The following BET1L variants were observed in gnomAD, a reference collection of about 807,000 sequenced individuals.
BET1L encodes Bet1 golgi vesicular membrane trafficking protein like, also known as BET1-like protein.
BET1L carries 13 observed loss-of-function variants against 12.6 expected under a neutral mutation model. That is an observed-to-expected ratio of 1.03 (90% CI 0.67 to 1.64). The LOEUF (loss-of-function observed/expected upper bound fraction) is 1.64, where lower values mean the gene tolerates loss of function less well. Ranked by LOEUF, BET1L falls within the 40% of genes most tolerant of loss-of-function variation. The pLI, the probability that BET1L is intolerant of heterozygous loss-of-function variation, is 0.00. For synonymous variants in BET1L, 60 were observed against 56.9 expected (o/e 1.05, Z -0.25); for missense variants, 154 against 150.7 (o/e 1.02, Z -0.11).
Position 205,184 on chromosome 11 carries a change from T to C in BET1L, c.*118A>G. 1 of 1,335,804 alleles carries C rather than the reference T, an allele frequency of 7.5e-7. No homozygotes were observed. 82.7% of individuals were successfully genotyped at this position (1,335,804 alleles called of 1,614,324 possible). A position where few individuals can be genotyped will look rare whatever the true frequency, so the allele number is the denominator to read the frequency against. ...TCCTGCCACACAGGAAGAAGATTCC[T>C]GACCCACAATTATCATTGCAAAGGA... is the stretch of plus-strand genomic sequence containing the variant. On this transcript the variant is annotated 3_prime_UTR_variant, in exon 4 of 4. Coordinates refer to ENST00000382762, the MANE Select transcript of BET1L (RefSeq NM_001098787.2).
intron 1 of BET1L, 54 bp from the exon 2 acceptor site, chr11:206,097 A>G (rs1297537879): frequency 1.3e-6 from 2 of 1,494,070 alleles, no homozygotes; most frequent in Non-Finnish European, 1.9e-6. Flanking sequence ...ACGGCCCCTG[A>G]CCCCTCTCAC....
chr11:205,278 C>T lies in BET1L; in HGVS notation c.*24G>A, dbSNP rs754833728. On this transcript the variant is annotated 3_prime_UTR_variant, in exon 4 of 4. Coordinates refer to ENST00000382762, the MANE Select transcript of BET1L (RefSeq NM_001098787.2). ...GGAAGACCCTGGCTGCCCTTGGCAC[C>T]CACAGACACCAGCTCCCACTGGCTC... 4.4e-6 allele frequency: 7 copies of T among 1,601,872 alleles called. No homozygotes were observed. Among genetic ancestry groups the T allele is most frequent in the Non-Finnish European group, 5.1e-6 (6 of 1,172,194 alleles).
At chr11:206,628 T>C (rs1259957967) in intron 1 of BET1L, among the ~76,000 whole-genome samples, 3 of 152,072 alleles carry the variant, frequency 2.0e-5, no homozygotes. Context: ...GCGGGATCCT[T>C]GGTCTGCATC....
chr11:207,399 GA>G, upstream of BET1L: 4 of 1,261,730 alleles, frequency 3.2e-6, no homozygotes, highest in Non-Finnish European at 4.0e-6. Flanking sequence ...CGCGGGGAAA[GA>G]GCTTCCGGCC....
At position 205,280 on chromosome 11, in the gene BET1L, A is replaced by G; in HGVS notation, c.*22T>C. 2 of 1,603,436 alleles carry G rather than the reference A, an allele frequency of 1.2e-6. No individual in the cohort carries two copies. Among genetic ancestry groups the G allele is most frequent in the Non-Finnish European group, 1.7e-6 (2 of 1,172,962 alleles). ...AAGACCCTGGCTGCCCTTGGCACCC[A>G]CAGACACCAGCTCCCACTGGCTCAC... On this transcript the variant is annotated 3_prime_UTR_variant, in exon 4 of 4. Coordinates refer to ENST00000382762, the MANE Select transcript of BET1L (RefSeq NM_001098787.2).
chr11:207,149 C>T, intron 1 of BET1L, 154 bp downstream of exon 1: 3 of 1,076,264 alleles, frequency 2.8e-6, no homozygotes, highest in East Asian at 3.2e-5. Context: ...CGGCCCTGCT[C>T]GGACCCGGAA....
At position 205,086 on chromosome 11, in the gene BET1L, T is replaced by C. The variant is rs1358643294; in HGVS notation, c.*216A>G. 1 of 591,600 alleles carries C rather than the reference T, an allele frequency of 1.7e-6. No individual in the cohort carries two copies. The highest frequency in any genetic ancestry group is 1.9e-5 in the African/African-American group (1 of 53,684). 36.6% of individuals were successfully genotyped at this position (591,600 alleles called of 1,614,324 possible). A position where few individuals can be genotyped will look rare whatever the true frequency, so the allele number is the denominator to read the frequency against. On this transcript the variant is annotated 3_prime_UTR_variant, in exon 4 of 4. Transcript: ENST00000382762. ...GGAGGGGGGAGGGGCTGGGCCTTGGTTTCCCCGAGAGAGTCCCTTTCACAC... is the reference window on the plus strand; with the variant it reads ...GGAGGGGGGAGGGGCTGGGCCTTGGCTTCCCCGAGAGAGTCCCTTTCACAC...
chr11:205,616 C>G lies in BET1L; in HGVS notation c.163G>C (p.Gly55Arg). ...CGCACACCGTGGGCCCTTACCATGC[C>G]ATCCAGGTACCGGTTCTGATCCTCT... ...DAEDQNRYLD[G>R]MDSDFTSMTS... Residue 55 changes from glycine (G) to arginine (R), a missense_variant, in exon 3 of 4, where the codon GGC becomes CGC. Transcript: ENST00000382762. 1 of 1,613,838 alleles carries G rather than the reference C, an allele frequency of 6.2e-7. No homozygotes were observed. Among genetic ancestry groups the G allele is most frequent in the Non-Finnish European group, 8.5e-7 (1 of 1,179,954 alleles).
chr11:206,491 C>T (rs1237755577), intron 1 of BET1L, among the ~76,000 whole-genome samples: 1 of 152,238 alleles, frequency 6.6e-6, no homozygotes, highest in African/African-American at 2.4e-5. Context: ...CAGAGACGAC[C>T]TTTGAGCTAG....
rs1855118858 is a variant in BET1L, at chr11:205,159, T to C, written c.*143A>G. ...CATCAGGTCACAGGCAGCCGCAGCCTCCTGCCACACAGGAAGAAGATTCCT... is the reference window on the plus strand; with the variant it reads ...CATCAGGTCACAGGCAGCCGCAGCCCCCTGCCACACAGGAAGAAGATTCCT... On this transcript the variant is annotated 3_prime_UTR_variant, in exon 4 of 4. Coordinates refer to ENST00000382762, the MANE Select transcript of BET1L (RefSeq NM_001098787.2). 8.5e-7 allele frequency: 1 copy of C among 1,182,486 alleles called. No individual in the cohort carries two copies. Among genetic ancestry groups the C allele is most frequent in the Non-Finnish European group, 1.2e-6 (1 of 864,268 alleles). 73.2% of individuals were successfully genotyped at this position (1,182,486 alleles called of 1,614,324 possible).
chr11:206,140 G>T, intron 1 of BET1L, 97 bp from the exon 2 acceptor site: 1 of 1,080,062 alleles, frequency 9.3e-7, no homozygotes, highest in Non-Finnish European at 1.4e-6. Context: ...AGAAATCTAG[G>T]GGGCCCTAAC....
At chr11:207,182 C>G in intron 1 of BET1L, 121 bp downstream of exon 1, 1 of 1,317,320 alleles carries the variant, frequency 7.6e-7, no homozygotes, top group Non-Finnish European at 1.0e-6. Context: ...GCCCCCCTGA[C>G]AGGGTCCTCT....
intron 1 of BET1L, among the ~76,000 whole-genome samples, chr11:206,469 G>A (rs1173472215): frequency 6.6e-6 from 1 of 152,266 alleles, no homozygotes; most frequent in Non-Finnish European, 1.5e-5. Flanking sequence ...CAAGGCAGCA[G>A]AAAGGCTCCT....
Position 207,299 on chromosome 11 carries a change from T to C in BET1L, c.19+4A>G, listed in dbSNP as rs1457209971. ...CCCCAACGGCTCCGCTCTCCCGCGCTCACCCCGAGCCCAGTCCGCCATCGT... is the reference window on the plus strand; with the variant it reads ...CCCCAACGGCTCCGCTCTCCCGCGCCCACCCCGAGCCCAGTCCGCCATCGT... On this transcript the variant is annotated splice_donor_region_variant and intron_variant, in intron 1 of 3. Coordinates refer to ENST00000382762, the MANE Select transcript of BET1L (RefSeq NM_001098787.2). 5 of 1,543,268 alleles carry C rather than the reference T, an allele frequency of 3.2e-6. No homozygotes were observed. The highest frequency in any genetic ancestry group is 4.3e-6 in the Non-Finnish European group (5 of 1,152,866).
Position 206,008 on chromosome 11 carries a change from G to T in BET1L, c.55C>A (p.Arg19=), listed in dbSNP as rs144624940. 3.7e-6 allele frequency: 6 copies of T among 1,613,978 alleles called. No individual in the cohort carries two copies. Among genetic ancestry groups the T allele is most frequent in the Non-Finnish European group, 1.7e-6 (2 of 1,180,030 alleles). Residue 19 remains arginine (R), a synonymous_variant, in exon 2 of 4, where the codon CGG becomes AGG. Coordinates refer to ENST00000382762, the MANE Select transcript of BET1L (RefSeq NM_001098787.2). ...SPGAVEEILD[R]ENKRMADSLA... The stretch of plus-strand genomic sequence containing the variant: ...CTGTCAGCCATTCGCTTGTTCTCCC[G>T]GTCTAGAATCTCTTCCACAGCGCCC...
intron 1 of BET1L, 54 bp downstream of exon 1, chr11:207,249 G>A (rs1855191875): frequency 2.0e-6 from 3 of 1,507,112 alleles, no homozygotes; most frequent in South Asian, 2.4e-5. Context: ...TACAGGCAGC[G>A]GCGTCGGTTT....
At position 207,380 on chromosome 11, in the gene BET1L, T is replaced by C; in HGVS notation, c.-59A>G. The C allele has an allele frequency of 6.7e-7, 1 of 1,501,664 alleles. No individual in the cohort carries two copies. Among genetic ancestry groups the C allele is most frequent in the South Asian group, 1.2e-5 (1 of 81,232 alleles). The allele number at this position is 1,501,664 out of a possible 1,614,324, so 93.0% of individuals were successfully genotyped here. A position where few individuals can be genotyped will look rare whatever the true frequency, so the allele number is the denominator to read the frequency against. On this transcript the variant is annotated 5_prime_UTR_variant, in exon 1 of 4. Transcript: ENST00000382762. ...GACGCGGCCACAGCCGCCTCAGACG[T>C]GGCGCAGTCGCGGGGAAAGAGCTTC...
chr11:207,167 A>C, intron 1 of BET1L, 136 bp downstream of exon 1: 1 of 1,218,994 alleles, frequency 8.2e-7, no homozygotes, highest in South Asian at 1.5e-5. Context: ...GAAGGATCCG[A>C]ATCCGCCCCC....
chr11:206,675 C>G (rs2133740175), intron 1 of BET1L, among the ~76,000 whole-genome samples: 1 of 152,312 alleles, frequency 6.6e-6, no homozygotes, highest in East Asian at 1.9e-4. Context: ...GGGCAGAGTG[C>G]TCGCAGAGGC....
Sources: allele counts gnomAD v4.1 joint callset (sites outside exome capture counted in the v4.1 genomes callset), GRCh38; gene constraint gnomAD v4.1.1; transcripts MANE v1.5; gene names NCBI Gene and HGNC (gene_info 2026-07-23, HGNC 2026-07-21).